The following VPS37A variants were observed in gnomAD, a reference collection of about 807,000 sequenced individuals.
VPS37A encodes VPS37A subunit of ESCRT-I, also known as vacuolar protein sorting-associated protein 37A.
In VPS37A, 30 loss-of-function variants were observed where a neutral mutation model predicts 49.8. The observed-to-expected ratio is 0.60, with a 90% CI of 0.45 to 0.82. The LOEUF (loss-of-function observed/expected upper bound fraction) is 0.82, where lower values mean the gene tolerates loss of function less well. Ranked by LOEUF, VPS37A falls within the 40% of genes least tolerant of loss-of-function variation. VPS37A has a pLI of 0.00. For synonymous variants in VPS37A, 195 were observed against 160.6 expected (o/e 1.21, Z -1.62); for missense variants, 593 against 464.4 (o/e 1.28, Z -2.55).
intron 11 of VPS37A, among the ~76,000 whole-genome samples, chr8:17,289,940 T>C (rs147453242): frequency 0.072 from 10,910 of 152,254 alleles, 648 homozygotes; most frequent in African/African-American, 0.17. Context: ...GTTGGATTCC[T>C]AGGTATTTTA....
At chr8:17,286,565 C>T (rs1210079005) in intron 11 of VPS37A, 138 bp downstream of exon 11, 11 of 653,060 alleles carry the variant, frequency 1.7e-5, no homozygotes, top group East Asian at 1.1e-4. Context: ...ACATAGAATG[C>T]TTTGTATTAT....
intron 5 of VPS37A, among the ~76,000 whole-genome samples, chr8:17,275,973 A>T (rs1009312786): frequency 7.2e-5 from 11 of 152,196 alleles, no homozygotes; most frequent in Middle Eastern, 3.2e-3. Context: ...ATATTCAAAC[A>T]GTGGCTACTC....
intron 4 of VPS37A, among the ~76,000 whole-genome samples, chr8:17,273,316 T>C (rs1325052180): frequency 3.3e-5 from 5 of 152,128 alleles, no homozygotes; most frequent in Non-Finnish European, 5.9e-5. Context: ...ATTCTAGAAG[T>C]GTAATGCACA....
rs150864074 is a variant in VPS37A, at chr8:17,270,501, A to G, written c.416+1545A>G. On this transcript the variant is annotated intron_variant, in intron 4 of 11. Coordinates refer to ENST00000324849, the MANE Select transcript of VPS37A (RefSeq NM_152415.3). ...GGTGAGATCTGAGGGTCAGGATCCC[A>G]AGAGAGAGAGCATTCCAACCAAGTG... Among the ~76,000 whole-genome samples, 272 of 152,196 alleles carry G rather than the reference A, an allele frequency of 1.8e-3. 2 individuals are homozygous for G. The highest frequency in any genetic ancestry group is 2.1e-3 in the Non-Finnish European group (140 of 67,990).
At chr8:17,249,145 C>T (rs557708717) in intron 1 of VPS37A, among the ~76,000 whole-genome samples, 1 of 152,126 alleles carries the variant, frequency 6.6e-6, no homozygotes, top group Non-Finnish European at 1.5e-5. Context: ...TAATTTTTTT[C>T]TTCGAGGTTG....
At chr8:17,329,222 A>G in the VPS37A span, among the ~76,000 whole-genome samples, 11 of 152,174 alleles carry the variant, frequency 7.2e-5, no homozygotes, top group African/African-American at 2.7e-4. Context: ...GAAGGAGGAA[A>G]AGCCTTAGAA....
chr8:17,281,656 A>T (rs1363336714), intron 9 of VPS37A, among the ~76,000 whole-genome samples: 1 of 152,050 alleles, frequency 6.6e-6, no homozygotes, highest in Non-Finnish European at 1.5e-5. Context: ...GACCAAAAAA[A>T]AGTGGTATAA....
chr8:17,321,740 C>T, the VPS37A span, among the ~76,000 whole-genome samples: 7 of 152,286 alleles, frequency 4.6e-5, no homozygotes, highest in Admixed American at 1.3e-4. Flanking sequence ...ACATCAGAGA[C>T]ATATGCCACA....
In VPS37A at chr8:17,297,031, TAA is replaced by T. The variant is rs981544527; in HGVS notation, c.*2046_*2047del. 1 of 152,188 alleles carries T rather than the reference TAA, an allele frequency of 6.6e-6. No individual in the cohort carries two copies. The highest frequency in any genetic ancestry group is 2.4e-5 in the African/African-American group (1 of 41,460). The allele number at this position is 152,188 out of a possible 1,614,324, so 9.4% of individuals were successfully genotyped here. A position where few individuals can be genotyped will look rare whatever the true frequency, so the allele number is the denominator to read the frequency against. ...TGGGTTCTGTTTTTGCAACAGAGAT[TAA>T]GTGACCATTTTTTCTAATTTTATGG... On this transcript the variant is annotated 3_prime_UTR_variant, in exon 12 of 12. Transcript: ENST00000324849.
At chr8:17,277,931 T>G (rs1006395045) in intron 6 of VPS37A, among the ~76,000 whole-genome samples, 11 of 151,686 alleles carry the variant, frequency 7.3e-5, no homozygotes, top group Admixed American at 6.6e-5. Context: ...TTTACATATG[T>G]TCGTATACAT....
chr8:17,278,637 T>C (rs555947871), intron 6 of VPS37A, among the ~76,000 whole-genome samples: 25 of 152,216 alleles, frequency 1.6e-4, no homozygotes, highest in Admixed American at 3.3e-4. Context: ...GTGCTTGTTC[T>C]TTTCCAAAAT....
chr8:17,296,999 A>G lies in VPS37A; in HGVS notation c.*2013A>G, dbSNP rs370799164. 1.5e-3 allele frequency: 228 copies of G among 152,298 alleles called. 1 individual carries two copies. Among genetic ancestry groups the G allele is most frequent in the African/African-American group, 5.2e-3 (217 of 41,590 alleles). 9.4% of individuals were successfully genotyped at this position (152,298 alleles called of 1,614,324 possible). A position where few individuals can be genotyped will look rare whatever the true frequency, so the allele number is the denominator to read the frequency against. ...AGAATCTGCATTTGAATATGCCCGT[A>G]TGAATGTGGGTTCTGTTTTTGCAAC... On this transcript the variant is annotated 3_prime_UTR_variant, in exon 12 of 12. Coordinates refer to ENST00000324849, the MANE Select transcript of VPS37A (RefSeq NM_152415.3).
chr8:17,276,986 G>T (rs1194635159), intron 6 of VPS37A, among the ~76,000 whole-genome samples: 2 of 152,028 alleles, frequency 1.3e-5, no homozygotes, highest in South Asian at 2.1e-4. Flanking sequence ...GAAGAAAATG[G>T]TTTTTTGCCA....
At chr8:17,247,816 G>C in intron 1 of VPS37A, 2 of 700,386 alleles carry the variant, frequency 2.9e-6, no homozygotes, top group Admixed American at 4.0e-5. Flanking sequence ...AAAGGAAAGG[G>C]AAGCCAGAGT....
At chr8:17,270,355 C>G (rs1481631333) in intron 4 of VPS37A, among the ~76,000 whole-genome samples, 5 of 152,034 alleles carry the variant, frequency 3.3e-5, no homozygotes, top group Admixed American at 3.3e-4. Flanking sequence ...ATTTTTGCTC[C>G]ACTTTTTGCA....
chr8:17,283,601 A>G (rs112655988), intron 9 of VPS37A, among the ~76,000 whole-genome samples: 4,094 of 152,262 alleles, frequency 0.027, 199 homozygotes, highest in African/African-American at 0.094. Flanking sequence ...CCATTTGTTG[A>G]AAAGATTCCT....
At chr8:17,278,814 G>A (rs1427218338) in intron 6 of VPS37A, among the ~76,000 whole-genome samples, 1 of 151,864 alleles carries the variant, frequency 6.6e-6, no homozygotes, top group Non-Finnish European at 1.5e-5. Flanking sequence ...AGAATATACA[G>A]GTTTATTTAT....
At chr8:17,287,280 A>C (rs1007180403) in intron 11 of VPS37A, among the ~76,000 whole-genome samples, 2 of 152,174 alleles carry the variant, frequency 1.3e-5, no homozygotes, top group Non-Finnish European at 2.9e-5. Context: ...CAGTCACCTG[A>C]GACTGAAAAC....
At chr8:17,325,801 TA>T in the VPS37A span, among the ~76,000 whole-genome samples, 1 of 152,200 alleles carries the variant, frequency 6.6e-6, no homozygotes, top group Non-Finnish European at 1.5e-5. Flanking sequence ...GTCTTTTGAA[TA>T]AAGAAATTCA....
Sources: allele counts gnomAD v4.1 joint callset (sites outside exome capture counted in the v4.1 genomes callset), GRCh38; gene constraint gnomAD v4.1.1; transcripts MANE v1.5; gene names NCBI Gene and HGNC (gene_info 2026-07-23, HGNC 2026-07-21).